The following ZNF804B variants were observed in gnomAD, a reference collection of about 807,000 sequenced individuals.
ZNF804B encodes the protein zinc finger protein 804B, also known as zinc finger 804B.
In ZNF804B, 80 loss-of-function variants were observed where a neutral mutation model predicts 101.4. That is an observed-to-expected ratio of 0.79 (90% CI 0.66 to 0.95). ZNF804B has a LOEUF of 0.95. Among genes scored for constraint, ZNF804B ranks in the 40% least tolerant of loss-of-function variants. ZNF804B has a pLI of 0.00. For missense variants in ZNF804B, 1,673 were observed against 1,561.9 expected (o/e 1.07, Z -1.20); for synonymous variants, 622 against 558.8 (o/e 1.11, Z -1.59).
intron 1 of ZNF804B, among the ~76,000 whole-genome samples, chr7:88,901,796 A>G (rs868708188): frequency 1.3e-5 from 2 of 152,080 alleles, no homozygotes; most frequent in Non-Finnish European, 2.9e-5. Context: ...TTGAATTCAC[A>G]TATAATATTT....
intron 1 of ZNF804B, among the ~76,000 whole-genome samples, chr7:88,945,827 G>A (rs1289047598): frequency 6.6e-6 from 1 of 151,940 alleles, no homozygotes; most frequent in Non-Finnish European, 1.5e-5. Flanking sequence ...TGTATTCCTA[G>A]GTTATTTTAT....
intron 1 of ZNF804B, among the ~76,000 whole-genome samples, chr7:88,797,934 T>A (rs1384139832): frequency 6.6e-6 from 1 of 152,210 alleles, no homozygotes; most frequent in Admixed American, 6.6e-5. Flanking sequence ...TTTCCCACTA[T>A]CTTCTTGGAT....
chr7:89,278,317 G>A, intron 2 of ZNF804B, among the ~76,000 whole-genome samples: 1 of 151,724 alleles, frequency 6.6e-6, no homozygotes, highest in Non-Finnish European at 1.5e-5. Flanking sequence ...TCACTCTGCT[G>A]GTAGTTTCTT....
intron 1 of ZNF804B, among the ~76,000 whole-genome samples, chr7:88,944,426 T>C (rs750829256): frequency 6.6e-6 from 1 of 151,830 alleles, no homozygotes; most frequent in African/African-American, 2.4e-5. Flanking sequence ...TGCTTATTTT[T>C]ATTGTATTTT....
intron 1 of ZNF804B, chr7:88,794,882 G>T: frequency 6.2e-7 from 1 of 1,612,156 alleles, no homozygotes. Flanking sequence ...TGGAGAAAAA[G>T]AAGAGGTTCC....
At chr7:89,091,411 A>G (rs1397484464) in intron 1 of ZNF804B, among the ~76,000 whole-genome samples, 1 of 152,102 alleles carries the variant, frequency 6.6e-6, no homozygotes, top group Admixed American at 6.6e-5. Flanking sequence ...TTTCTCTATT[A>G]GATTTGCCTC....
chr7:89,228,870 G>C (rs1789139834), intron 2 of ZNF804B, among the ~76,000 whole-genome samples: 1 of 152,196 alleles, frequency 6.6e-6, no homozygotes. Context: ...GAGCAGGTAG[G>C]GGGAGGCTCA....
chr7:89,297,999 A>G (rs1194856968), intron 2 of ZNF804B, among the ~76,000 whole-genome samples: 1 of 138,452 alleles, frequency 7.2e-6, no homozygotes, highest in Non-Finnish European at 1.6e-5. Flanking sequence ...TTTTTTTTTT[A>G]GTTCCTCTAA....
At chr7:88,790,493 G>A (rs1046723448) in intron 1 of ZNF804B, among the ~76,000 whole-genome samples, 2 of 151,910 alleles carry the variant, frequency 1.3e-5, no homozygotes, top group Admixed American at 6.6e-5. Flanking sequence ...TCAATGTTCA[G>A]CTCCCATTTA....
At chr7:89,036,989 A>G (rs1176939966) in intron 1 of ZNF804B, among the ~76,000 whole-genome samples, 1 of 152,180 alleles carries the variant, frequency 6.6e-6, no homozygotes, top group Non-Finnish European at 1.5e-5. Flanking sequence ...TGAGTCTCCA[A>G]AATGCCTCTG....
intron 1 of ZNF804B, among the ~76,000 whole-genome samples, chr7:88,973,242 T>A (rs1016803497): frequency 7.3e-5 from 11 of 151,188 alleles, no homozygotes; most frequent in African/African-American, 2.7e-4. Flanking sequence ...TTAAGTGATA[T>A]AAAGCTATTG....
intron 1 of ZNF804B, among the ~76,000 whole-genome samples, chr7:88,780,882 T>A (rs973510868): frequency 3.9e-5 from 6 of 152,212 alleles, no homozygotes; most frequent in Admixed American, 6.5e-5. Context: ...ATGTGTATTT[T>A]GCTTCCCTTA....
chr7:88,822,413 C>T (rs1790997078), intron 1 of ZNF804B, among the ~76,000 whole-genome samples: 4 of 152,240 alleles, frequency 2.6e-5, no homozygotes, highest in Non-Finnish European at 2.9e-5. Flanking sequence ...TTATAGTTAT[C>T]GCTAAATACA....
At chr7:88,773,768 C>A (rs912036465) in intron 1 of ZNF804B, among the ~76,000 whole-genome samples, 1 of 151,752 alleles carries the variant, frequency 6.6e-6, no homozygotes, top group Non-Finnish European at 1.5e-5. Context: ...AAAGTGGGAG[C>A]CTGCATGTCA....
At chr7:89,000,280 A>G (rs760278406) in intron 1 of ZNF804B, among the ~76,000 whole-genome samples, 3 of 152,014 alleles carry the variant, frequency 2.0e-5, no homozygotes, top group Non-Finnish European at 2.9e-5. Flanking sequence ...ATGCACTGTT[A>G]GCATTTATTT....
intron 1 of ZNF804B, among the ~76,000 whole-genome samples, chr7:89,203,571 A>C (rs1043752100): frequency 3.3e-5 from 5 of 152,024 alleles, no homozygotes; most frequent in Non-Finnish European, 1.5e-5. Flanking sequence ...AATTTTTTTC[A>C]CAATTTCTAG....
chr7:88,869,025 A>G (rs946896734), intron 1 of ZNF804B, among the ~76,000 whole-genome samples: 10 of 152,170 alleles, frequency 6.6e-5, no homozygotes, highest in African/African-American at 2.4e-4. Context: ...GAGAAGAATC[A>G]CCTATTGAAG....
rs549579937 is a variant in ZNF804B, at chr7:88,979,132, G to A, written c.108+219048G>A. ...TTGGTTCTATTTATATTATGTGTATGTCTTGAAAAGTTATTGTAGTTATTA... is the reference window on the plus strand; with the variant it reads ...TTGGTTCTATTTATATTATGTGTATATCTTGAAAAGTTATTGTAGTTATTA... On this transcript the variant is annotated intron_variant, in intron 1 of 3. Transcript: ENST00000333190. 5.3e-5 allele frequency among the ~76,000 whole-genome samples: 8 copies of A among 151,896 alleles called. 1 individual carries two copies. The highest frequency in any genetic ancestry group is 1.0e-4 in the Non-Finnish European group (7 of 67,916).
At chr7:88,851,753 C>G (rs568778913) in intron 1 of ZNF804B, among the ~76,000 whole-genome samples, 12 of 151,634 alleles carry the variant, frequency 7.9e-5, no homozygotes, top group African/African-American at 2.9e-4. Context: ...TATTTAATAC[C>G]CTTTATAGTC....
Sources: allele counts gnomAD v4.1 joint callset (sites outside exome capture counted in the v4.1 genomes callset), GRCh38; gene constraint gnomAD v4.1.1; transcripts MANE v1.5; gene names NCBI Gene and HGNC (gene_info 2026-07-23, HGNC 2026-07-21).